Variants in KDM3B observed in about 807,000 individuals in gnomAD.
KDM3B encodes the protein lysine-specific demethylase 3B.
Under a neutral mutation model 170.0 loss-of-function variants are expected in KDM3B, and 10 were observed. That is an observed-to-expected ratio of 0.06 (90% CI 0.04 to 0.10). The LOEUF (loss-of-function observed/expected upper bound fraction) is 0.10, where lower values mean the gene tolerates loss of function less well. Among genes scored for constraint, KDM3B ranks in the 10% least tolerant of loss-of-function variants. KDM3B has a pLI of 1.00. For missense variants in KDM3B, 1,394 were observed against 2,195.2 expected, an observed-to-expected ratio of 0.64 and a Z score of 7.29; for synonymous variants, 831 against 834.8, an observed-to-expected ratio of 1.00 and a Z score of 0.08.
At chr5:138,405,840 G>A (rs1762805088) in intron 11 of KDM3B, among the ~76,000 whole-genome samples, 2 of 152,124 alleles carry the variant, frequency 1.3e-5, no homozygotes, top group Admixed American at 1.3e-4. Context: ...AGGGAAAACT[G>A]GAAGTATAGT....
chr5:138,383,419 GAAC>G, intron 6 of KDM3B, among the ~76,000 whole-genome samples: 1 of 76,754 alleles, frequency 1.3e-5, no homozygotes, highest in Non-Finnish European at 2.4e-5. Context: ...TTACAGGCGC[GAAC>G]GAACCACCAC....
chr5:138,378,888 T>C (rs1011457690), intron 4 of KDM3B, among the ~76,000 whole-genome samples: 1 of 151,578 alleles, frequency 6.6e-6, no homozygotes, highest in African/African-American at 2.4e-5. Flanking sequence ...TAATCTAAAA[T>C]TGGTAATGAT....
intron 13 of KDM3B, chr5:138,418,088 T>TG (rs1383576713): frequency 1.3e-5 from 2 of 150,420 alleles, no homozygotes; most frequent in African/African-American, 5.0e-5. Flanking sequence ...TTTTTTTTTT[T>TG]TTTTTTTTTC....
At chr5:138,387,638 T>C (rs537863985) in intron 7 of KDM3B, among the ~76,000 whole-genome samples, 206 of 152,298 alleles carry the variant, frequency 1.4e-3, no homozygotes, top group Non-Finnish European at 2.5e-3. Flanking sequence ...AGAGGAAATG[T>C]CCACACAGAC....
chr5:138,424,392 A>G (rs367580023), intron 16 of KDM3B, 51 bp downstream of exon 16: 1 of 1,573,600 alleles, frequency 6.4e-7, no homozygotes, highest in Non-Finnish European at 8.6e-7. Flanking sequence ...TGCCTACCAC[A>G]GATACCTGGA....
intron 9 of KDM3B, among the ~76,000 whole-genome samples, chr5:138,397,261 G>A (rs371973156): frequency 6.2e-4 from 95 of 152,114 alleles, no homozygotes; most frequent in African/African-American, 2.2e-3. Flanking sequence ...CATGAACCCC[G>A]GAGGAGGCGT....
At chr5:138,415,091 T>G in intron 11 of KDM3B, 41 bp from the exon 12 acceptor site, 1 of 1,403,548 alleles carries the variant, frequency 7.1e-7, no homozygotes, top group South Asian at 1.3e-5. Flanking sequence ...GGATCCATTT[T>G]TGTGACCCTT....
At chr5:138,363,713 AT>A (rs1322689344) in intron 1 of KDM3B, among the ~76,000 whole-genome samples, 2 of 151,536 alleles carry the variant, frequency 1.3e-5, no homozygotes, top group Non-Finnish European at 2.9e-5. Context: ...CACCCGGATA[AT>A]TTTTTGTATT....
At chr5:138,426,506 C>T (rs1169249523) in intron 17 of KDM3B, among the ~76,000 whole-genome samples, 3 of 143,302 alleles carry the variant, frequency 2.1e-5, no homozygotes, top group East Asian at 4.2e-4. Flanking sequence ...ACCTGGGAGG[C>T]GGAGCTTGCA....
intron 2 of KDM3B, 72 bp from the exon 3 acceptor site, chr5:138,375,021 T>C (rs953297395): frequency 2.5e-6 from 2 of 806,106 alleles, no homozygotes; most frequent in Non-Finnish European, 4.4e-6. Context: ...TTCTTTGAAG[T>C]TAGAGATTTG....
intron 16 of KDM3B, among the ~76,000 whole-genome samples, chr5:138,424,593 A>C (rs1043712795): frequency 2.6e-5 from 4 of 152,110 alleles, no homozygotes; most frequent in African/African-American, 7.2e-5. Flanking sequence ...TTTGGCCAAC[A>C]TGGTGAAATC....
At chr5:138,381,683 CT>C in intron 6 of KDM3B, 93 bp downstream of exon 6, 1 of 772,338 alleles carries the variant, frequency 1.3e-6, no homozygotes. Flanking sequence ...CCATGGATGC[CT>C]TTTGAGTTGT....
intron 14 of KDM3B, among the ~76,000 whole-genome samples, chr5:138,420,088 A>G (rs1763234179): frequency 6.6e-6 from 1 of 152,128 alleles, no homozygotes; most frequent in Non-Finnish European, 1.5e-5. Flanking sequence ...AGGTTTCTCC[A>G]TGTTGGTCAG....
intron 3 of KDM3B, among the ~76,000 whole-genome samples, chr5:138,376,620 C>T (rs556734362): frequency 2.6e-5 from 4 of 151,082 alleles, no homozygotes; most frequent in African/African-American, 9.7e-5. Flanking sequence ...AGGAGAATGG[C>T]GTGAACCTGG....
intron 8 of KDM3B, 95 bp downstream of exon 8, chr5:138,392,356 G>C: frequency 7.9e-7 from 1 of 1,272,602 alleles, no homozygotes; most frequent in Non-Finnish European, 1.0e-6. Context: ...CTTTGATGGA[G>C]AGTTCTGTAA....
chr5:138,414,174 A>AT (rs1420775644), intron 11 of KDM3B, among the ~76,000 whole-genome samples: 7 of 150,272 alleles, frequency 4.7e-5, no homozygotes, highest in South Asian at 2.1e-4. Flanking sequence ...ACTTATTATT[A>AT]TTTTTTTTTG....
chr5:138,374,350 C>A lies in KDM3B; in HGVS notation c.361-743C>A, dbSNP rs180969871. The A allele has an allele frequency of 3.8e-3, 1,598 of 424,170 alleles. 26 individuals are homozygous for A. Among genetic ancestry groups the A allele is most frequent in the African/African-American group, 0.029 (1,427 of 48,736 alleles). 26.3% of individuals were successfully genotyped at this position (424,170 alleles called of 1,614,324 possible). A position where few individuals can be genotyped will look rare whatever the true frequency, so the allele number is the denominator to read the frequency against. ...CGATCTCGGCTCACCACCCCGCCTC[C>A]CAGGTTCAAGCAATTCTCCTGCCTC... On this transcript the variant is annotated intron_variant, in intron 2 of 23. Transcript: ENST00000314358.
chr5:138,386,790 T>C (rs956194046), intron 7 of KDM3B, among the ~76,000 whole-genome samples, 169 bp downstream of exon 7: 1 of 152,230 alleles, frequency 6.6e-6, no homozygotes, highest in Non-Finnish European at 1.5e-5. Context: ...ATGTGTATAG[T>C]TTAATAACTT....
rs1183448260 is a variant in KDM3B at position 138,383,432 on chromosome 5, C to T, written c.780+1842C>T. Among the ~76,000 whole-genome samples the T allele has an allele frequency of 2.6e-5, 4 of 152,164 alleles. No homozygotes were observed. In the East Asian group the frequency reaches 5.8e-4, roughly 22 times the overall value. ...GTTTACAGGCGCGAACGAACCACCA[C>T]GCCTGGTGATCTTTGGTTTTTAGCA... On this transcript the variant is annotated intron_variant, in intron 6 of 23. Coordinates refer to ENST00000314358, the MANE Select transcript of KDM3B (RefSeq NM_016604.4).
Sources: gnomAD v4.1 joint callset for allele counts (sites outside exome capture counted in the v4.1 genomes callset) on GRCh38, gnomAD v4.1.1 for gene constraint, MANE v1.5 for transcripts, NCBI Gene and HGNC (gene_info 2026-07-23, HGNC 2026-07-21) for gene names.